Variants in MFRP observed in about 807,000 individuals in gnomAD.
MFRP encodes the protein membrane frizzled-related protein.
A neutral mutation model predicts 65.8 loss-of-function variants in MFRP; 74 were observed. The ratio of observed to expected loss-of-function variants is 1.12; its 90% CI spans 0.93 to 1.36. The LOEUF (loss-of-function observed/expected upper bound fraction) is 1.36, where lower values mean the gene tolerates loss of function less well. MFRP is among the 40% of genes most tolerant of loss of function. MFRP has a pLI of 0.00. For missense variants in MFRP, 838 were observed against 736.0 expected (o/e 1.14, Z -1.60); for synonymous variants, 336 against 288.3 (o/e 1.17, Z -1.68).
chr11:119,344,932 G>T lies in MFRP; in HGVS notation c.714C>A (p.Asp238Glu). 1 of 1,611,222 alleles carries T rather than the reference G, an allele frequency of 6.2e-7. No homozygotes were observed. Among genetic ancestry groups the T allele is most frequent in the Non-Finnish European group, 8.5e-7 (1 of 1,179,188 alleles). ...ASHLLVVFVS[D>E]SSVEGFGFHA... Reference sequence around the variant, plus strand: ...GGAAACCAAATCCTTCCACACTGCTGTCAGAGACGAAGACCACCAGGAGGT... The same window carrying T: ...GGAAACCAAATCCTTCCACACTGCTTTCAGAGACGAAGACCACCAGGAGGT... The change falls in exon 6 of 15, where the codon GAC becomes GAA. Residue 238 changes from aspartate (D) to glutamate (E), a missense_variant. Transcript: ENST00000619721.
chr11:119,340,428 G>T lies in MFRP; in HGVS notation c.*866C>A. 6.5e-7 allele frequency: 1 copy of T among 1,535,908 alleles called. No homozygotes were observed. Among genetic ancestry groups the T allele is most frequent in the East Asian group, 2.5e-5 (1 of 40,634 alleles). ...TGGCACCGGGAGCCCGGACGCCGGG[G>T]TCCTCTCGCAGTCTGTGGACCAGGC... On this transcript the variant is annotated 3_prime_UTR_variant, in exon 14 of 15. Coordinates refer to ENST00000619721, the MANE Select transcript of MFRP (RefSeq NM_031433.4).
In MFRP at chr11:119,339,290, C is replaced by G. The variant is rs746563698; in HGVS notation, c.*1669G>C. The G allele has an allele frequency of 3.1e-6, 5 of 1,594,886 alleles. No individual in the cohort carries two copies. The highest frequency in any genetic ancestry group is 3.4e-6 in the Non-Finnish European group (4 of 1,168,944). On this transcript the variant is annotated 3_prime_UTR_variant, in exon 15 of 15. Coordinates refer to ENST00000619721, the MANE Select transcript of MFRP (RefSeq NM_031433.4). The surrounding 1 kb of genome is among the most constrained non-coding windows in gnomAD (Gnocchi z 5.4). ...GACCTGGTTGTCAGCCTCACACCCTCCTTCTAGGAGTGAGAGCATGAGCTC... is the reference window on the plus strand; with the variant it reads ...GACCTGGTTGTCAGCCTCACACCCTGCTTCTAGGAGTGAGAGCATGAGCTC...
At chr11:119,343,137 C>T in intron 9 of MFRP, 134 bp from the exon 10 acceptor site, 1 of 1,154,512 alleles carries the variant, frequency 8.7e-7, no homozygotes, top group Non-Finnish European at 1.2e-6. Context: ...GGGTTAGGGT[C>T]TGGCGAGAAA....
At position 119,346,655 on chromosome 11, in the gene MFRP, G is replaced by C. The variant is rs1002433949; in HGVS notation, c.-142C>G. The C allele has an allele frequency of 3.6e-6, 3 of 822,900 alleles. No homozygotes were observed. Among genetic ancestry groups the C allele is most frequent in the Non-Finnish European group, 6.2e-6 (3 of 486,454 alleles). The allele number at this position is 822,900 out of a possible 1,614,324, so 51.0% of individuals were successfully genotyped here. ...AGGCTGCCAGGCTAGACCAGTTCTTGGGCTGTCCTTGGTAGAGTGGTTTGG... is the reference window on the plus strand; with the variant it reads ...AGGCTGCCAGGCTAGACCAGTTCTTCGGCTGTCCTTGGTAGAGTGGTTTGG... On this transcript the variant is annotated 5_prime_UTR_variant, in exon 1 of 15. Coordinates refer to ENST00000619721, the MANE Select transcript of MFRP (RefSeq NM_031433.4).
chr11:119,339,960 C>A lies in MFRP; in HGVS notation c.*1111-112G>T. On this transcript the variant is annotated intron_variant, in intron 14 of 14. Transcript: ENST00000619721. The surrounding 1 kb of genome is among the most constrained non-coding windows in gnomAD (Gnocchi z 5.4). ...CCGCCCCTGCCTGAGCTTCGGCCAG[C>A]GCCTCCTCCCGCACGGGTACCTCCT... 7.4e-7 allele frequency: 1 copy of A among 1,356,176 alleles called. No individual in the cohort carries two copies. Among genetic ancestry groups the A allele is most frequent in the Non-Finnish European group, 9.6e-7 (1 of 1,040,458 alleles). The allele number at this position is 1,356,176 out of a possible 1,614,324, so 84.0% of individuals were successfully genotyped here.
At chr11:119,345,282 G>A (rs903700220) in intron 5 of MFRP, 138 bp downstream of exon 5, 4 of 904,640 alleles carry the variant, frequency 4.4e-6, no homozygotes, top group Non-Finnish European at 6.9e-6. Flanking sequence ...ACACAGCAAG[G>A]TGGTGGCAGA....
intron 9 of MFRP, 139 bp from the exon 10 acceptor site, chr11:119,343,142 G>A (rs1412710098): frequency 8.4e-6 from 9 of 1,065,248 alleles, no homozygotes; most frequent in East Asian, 2.6e-5. Context: ...AGGGTCTGGC[G>A]AGAAAGACAC....
chr11:119,344,349 G>C lies in MFRP; in HGVS notation c.941C>G (p.Thr314Ser), dbSNP rs755974208. 6.2e-7 allele frequency: 1 copy of C among 1,613,914 alleles called. No individual in the cohort carries two copies. Among genetic ancestry groups the C allele is most frequent in the Non-Finnish European group, 8.5e-7 (1 of 1,180,012 alleles). The change falls in exon 8 of 15, where the codon ACT (threonine) becomes AGT (serine). Residue 314 changes from threonine to serine, a missense_variant. Transcript: ENST00000619721. ...NLTGLQGTFS[T>S]PSYLQQYPHQ... ...AGGGTACTGCTGCAGGTAGCTGGGA[G>C]TAGAGAAAGTGCCCTGGAGGCCAGT...
At chr11:119,342,488 GC>G in intron 11 of MFRP, 107 bp downstream of exon 11, 2 of 1,443,698 alleles carry the variant, frequency 1.4e-6, no homozygotes, top group Non-Finnish European at 1.9e-6. Flanking sequence ...AGGCCAGCTG[GC>G]CCCGCCCCCT....
At chr11:119,344,596 A>T in intron 7 of MFRP, 36 bp downstream of exon 7, 1 of 1,613,646 alleles carries the variant, frequency 6.2e-7, no homozygotes, top group Non-Finnish European at 8.5e-7. Flanking sequence ...CCCAGATCAG[A>T]CGCCTGAAGA....
chr11:119,341,167 G>A lies in MFRP; in HGVS notation c.*381C>T, dbSNP rs970774443. 6.4e-5 allele frequency: 17 copies of A among 264,480 alleles called. No individual in the cohort carries two copies. The highest frequency in any genetic ancestry group is 8.9e-5 in the Non-Finnish European group (12 of 135,512). 16.4% of individuals were successfully genotyped at this position (264,480 alleles called of 1,614,324 possible). A position where few individuals can be genotyped will look rare whatever the true frequency, so the allele number is the denominator to read the frequency against. The stretch of plus-strand genomic sequence containing the variant: ...AGGCAGACAGCCAGTTGGATCCCTA[G>A]GGCCTAGGACAGGGGCCTGCCACAT... On this transcript the variant is annotated 3_prime_UTR_variant, in exon 13 of 15. Transcript: ENST00000619721.
rs1950553962 is a variant in MFRP, at chr11:119,345,498, G to A, written c.563C>T (p.Ala188Val). ...TDHAIQLKIE[A>V]LSIESVASCL... ...AGAGGCCACACTCTCTATGCTGAGG[G>A]CTTCGATCTTGAGCTGTATTGCATG... Residue 188 changes from alanine (A) to valine (V), a missense_variant, in exon 5 of 15, where the codon GCC becomes GTC. Physicochemically the swap from Ala to Val is moderately conservative, Grantham distance 64. Coordinates refer to ENST00000619721, the MANE Select transcript of MFRP (RefSeq NM_031433.4). The A allele has an allele frequency of 2.5e-6, 4 of 1,614,120 alleles. No individual in the cohort carries two copies. Among genetic ancestry groups the A allele is most frequent in the South Asian group, 2.2e-5 (2 of 91,084 alleles).
chr11:119,339,486 C>A lies in MFRP; in HGVS notation c.*1473G>T. ...GGCTCCAGCCTCACCATGGCCCCCC[C>A]CGAGAGCGAGGCTGGCTTGGGCCAC... On this transcript the variant is annotated 3_prime_UTR_variant, in exon 15 of 15. Coordinates refer to ENST00000619721, the MANE Select transcript of MFRP (RefSeq NM_031433.4). The surrounding 1 kb of genome is among the most constrained non-coding windows in gnomAD (Gnocchi z 5.4). 6.2e-7 allele frequency: 1 copy of A among 1,614,060 alleles called. No individual in the cohort carries two copies. The highest frequency in any genetic ancestry group is 8.5e-7 in the Non-Finnish European group (1 of 1,180,036).
chr11:119,342,928 A>G lies in MFRP; in HGVS notation c.1200T>C (p.His400=). The G allele has an allele frequency of 6.2e-7, 1 of 1,612,862 alleles. No individual in the cohort carries two copies. Among genetic ancestry groups the G allele is most frequent in the Non-Finnish European group, 8.5e-7 (1 of 1,179,846 alleles). Residue 400 remains histidine, a synonymous_variant, in exon 10 of 15, where the codon CAT becomes CAC. Coordinates refer to ENST00000619721, the MANE Select transcript of MFRP (RefSeq NM_031433.4). ...CTGAGAAGCCTCCACTGCTGATGCCATGATCTGTCCTAAACAGCACAGCCA... is the reference window on the plus strand; with the variant it reads ...CTGAGAAGCCTCCACTGCTGATGCCGTGATCTGTCCTAAACAGCACAGCCA... The part of the protein sequence containing the change: ...HELAVLFRTD[H]GISSGGFSAT...
chr11:119,344,245 A>G (rs931513558), intron 8 of MFRP, 70 bp downstream of exon 8: 25 of 1,415,882 alleles, frequency 1.8e-5, no homozygotes, highest in Non-Finnish European at 2.3e-5. Context: ...TGCCATTCCC[A>G]TTACACTAAC....
At chr11:119,343,320 G>T (rs1950522072) in intron 9 of MFRP, among the ~76,000 whole-genome samples, 2 of 152,204 alleles carry the variant, frequency 1.3e-5, no homozygotes, top group Admixed American at 6.5e-5. Flanking sequence ...AAACCAGCCT[G>T]GGCGATATAG....
intron 8 of MFRP, 119 bp downstream of exon 8, chr11:119,344,196 T>G: frequency 9.1e-7 from 1 of 1,093,746 alleles, no homozygotes; most frequent in Non-Finnish European, 1.4e-6. Flanking sequence ...CCCGTCTGCT[T>G]GATCTCTGAC....
At chr11:119,344,123 T>C (rs1288225136) in intron 8 of MFRP, among the ~76,000 whole-genome samples, 159 bp from the exon 9 acceptor site, 1 of 151,890 alleles carries the variant, frequency 6.6e-6, no homozygotes, top group Admixed American at 6.6e-5. Context: ...GTTTCAGAGG[T>C]GAGTTGACCC....
chr11:119,340,483 G>A, intron 13 of MFRP, 43 bp from the exon 14 acceptor site: 1 of 1,399,022 alleles, frequency 7.1e-7, no homozygotes, highest in Non-Finnish European at 9.7e-7. Flanking sequence ...AGAATCCTGG[G>A]ACCTGCCTCT....
Sources: allele counts gnomAD v4.1 joint callset (sites outside exome capture counted in the v4.1 genomes callset), GRCh38; gene constraint gnomAD v4.1.1; non-coding constraint Gnocchi (gnomAD v3.1); transcripts MANE v1.5; gene names NCBI Gene and HGNC (gene_info 2026-07-23, HGNC 2026-07-21).